The following KCNK5 variants were observed in gnomAD, a reference collection of about 807,000 sequenced individuals.
The protein encoded by KCNK5 is potassium two pore domain channel subfamily K member 5.
KCNK5 carries 18 observed loss-of-function variants against 32.9 expected under a neutral mutation model. The observed-to-expected ratio is 0.55, with a 90% CI of 0.38 to 0.81. KCNK5 has a LOEUF of 0.81. Among genes scored for constraint, KCNK5 ranks in the 30% least tolerant of loss-of-function variants. The pLI, the probability that KCNK5 is intolerant of heterozygous loss-of-function variation, is 0.00. For missense variants in KCNK5, 507 were observed against 651.0 expected (o/e 0.78, Z 2.41); for synonymous variants, 276 against 275.3 (o/e 1.00, Z -0.03).
At chr6:39,197,647 C>G (rs1771052893) in intron 1 of KCNK5, among the ~76,000 whole-genome samples, 1 of 152,194 alleles carries the variant, frequency 6.6e-6, no homozygotes, top group African/African-American at 2.4e-5. Flanking sequence ...CTGAAAACAT[C>G]AAATCTGTTT....
At chr6:39,207,713 T>A (rs1771254987) in intron 1 of KCNK5, among the ~76,000 whole-genome samples, 2 of 152,102 alleles carry the variant, frequency 1.3e-5, no homozygotes, top group African/African-American at 4.8e-5. Flanking sequence ...GCTCTCCCCA[T>A]GCATTGCTGC....
Position 39,194,310 on chromosome 6 carries a change from T to C in KCNK5, c.493A>G (p.Ile165Val). The change falls in exon 4 of 5, where the codon ATC becomes GTC. Residue 165 changes from isoleucine (I) to valine (V), a missense_variant. Around this residue, in one of 6 missense-constraint regions of KCNK5, gnomAD observed 143 missense variants for 219.1 expected, o/e 0.65. Coordinates refer to ENST00000359534, the MANE Select transcript of KCNK5 (RefSeq NM_003740.4). This position sits in a 1 kb window ranked among gnomAD's most constrained non-coding sequence, Gnocchi z 4.7. ...ACTAGGACGCCCCACACGATGAAGA[T>C]GACTGTGCACGTGATCTGCGCCTTC... ...LRKAQITCTV[I>V]FIVWGVLVHL... 1 of 1,612,796 alleles carries C rather than the reference T, an allele frequency of 6.2e-7. No homozygotes were observed.
Position 39,191,841 on chromosome 6 carries a change from G to T in KCNK5, c.635-86C>A. On this transcript the variant is annotated intron_variant, in intron 4 of 4. Transcript: ENST00000359534. The surrounding 1 kb of genome is among the most constrained non-coding windows in gnomAD (Gnocchi z 5.8). ...GGCCAATGCTGTGTGATCTGAGCAG[G>T]GGTCAGGCCAGAGCACAGGACGGGG... The T allele has an allele frequency of 6.9e-7, 1 of 1,442,054 alleles. No individual in the cohort carries two copies. The highest frequency in any genetic ancestry group is 9.5e-7 in the Non-Finnish European group (1 of 1,056,364). 89.3% of individuals were successfully genotyped at this position (1,442,054 alleles called of 1,614,324 possible).
chr6:39,190,997 G>T lies in KCNK5; in HGVS notation c.1393C>A (p.Pro465Thr), dbSNP rs9462487. Reference protein sequence around the residue: ...AKAPLNMGEFPSSSESTFTST... With the variant: ...AKAPLNMGEFTSSSESTFTST... ...GTGAAGGTGGACTCGGAGGAGGAGG[G>T]GAACTCGCCCATGTTCAGGGGCGCC... Residue 465 changes from proline to threonine, a missense_variant, in exon 5 of 5, where the codon CCC becomes ACC. Coordinates refer to ENST00000359534, the MANE Select transcript of KCNK5 (RefSeq NM_003740.4). The T allele has an allele frequency of 3.1e-3, 4,928 of 1,576,484 alleles. 139 individuals are homozygous for T. In the African/African-American group the frequency reaches 0.06, roughly 19 times the overall value.
Position 39,199,664 on chromosome 6 carries a change from T to C in KCNK5, c.187-3677A>G, listed in dbSNP as rs1299239776. ...TCAAGTCTGCAAGTTCAAGCCTCCC[T>C]GCCTCCATCTGCCTGGGTCTGCCTG... On this transcript the variant is annotated intron_variant, in intron 1 of 4. Coordinates refer to ENST00000359534, the MANE Select transcript of KCNK5 (RefSeq NM_003740.4). Among the ~76,000 whole-genome samples, 8 of 152,308 alleles carry C rather than the reference T, an allele frequency of 5.3e-5. No homozygotes were observed. In the South Asian group the frequency reaches 1.7e-3, roughly 32 times the overall value.
rs539017498 is a variant in KCNK5 at position 39,190,940 on chromosome 6, C to T, written c.1450G>A (p.Glu484Lys). Residue 484 changes from glutamate to lysine, a missense_variant, in exon 5 of 5, where the codon GAA (glutamate) becomes AAA (lysine). Transcript: ENST00000359534. ...STESELSVPY[E>K]QLMNEYNKAN... ...TTGTTGTACTCATTCATCAGCTGTT[C>T]GTAAGGCACAGAGAGCTCAGACTCA... 1.7e-5 allele frequency: 25 copies of T among 1,496,962 alleles called. No individual in the cohort carries two copies. The highest frequency in any genetic ancestry group is 7.2e-5 in the Admixed American group (3 of 41,590). The allele number at this position is 1,496,962 out of a possible 1,614,324, so 92.7% of individuals were successfully genotyped here. A position where few individuals can be genotyped will look rare whatever the true frequency, so the allele number is the denominator to read the frequency against.
rs1047251906 is a variant in KCNK5 at position 39,191,255 on chromosome 6, G to A, written c.1135C>T (p.Arg379Trp). Residue 379 changes from arginine to tryptophan, a missense_variant, in exon 5 of 5, where the codon CGG (arginine) becomes TGG (tryptophan). This residue lies in a region of KCNK5 where 252 missense variants were observed against 250.8 expected (regional missense o/e 1.00). Transcript: ENST00000359534. This position sits in a 1 kb window ranked among gnomAD's most constrained non-coding sequence, Gnocchi z 5.8. Reference sequence around the variant, plus strand: ...GCAGGGGAGCTGTCTTCAGGGGCCCGTGCCACAGCCTCCTCATCTGGGGAC... The same window carrying A: ...GCAGGGGAGCTGTCTTCAGGGGCCCATGCCACAGCCTCCTCATCTGGGGAC... ...SRSPDEEAVARAPEDSSPAPE... is the reference protein window; with the variant it reads ...SRSPDEEAVAWAPEDSSPAPE... 25 of 1,613,972 alleles carry A rather than the reference G, an allele frequency of 1.5e-5. No individual in the cohort carries two copies. The highest frequency in any genetic ancestry group is 6.7e-5 in the Admixed American group (4 of 60,012).
intron 1 of KCNK5, among the ~76,000 whole-genome samples, chr6:39,219,393 A>G (rs1266536006): frequency 6.6e-6 from 1 of 152,132 alleles, no homozygotes; most frequent in African/African-American, 2.4e-5. Context: ...GGGTATAATT[A>G]GTTCCATTTT....
intron 1 of KCNK5, among the ~76,000 whole-genome samples, chr6:39,200,398 A>G (rs2815104): frequency 0.28 from 42,253 of 152,014 alleles, 6,135 homozygotes; most frequent in East Asian, 0.55. Flanking sequence ...AGAGTTGGGT[A>G]AAGCATTTTA....
intron 1 of KCNK5, among the ~76,000 whole-genome samples, chr6:39,225,417 T>C (rs926831553): frequency 7.9e-5 from 12 of 152,178 alleles, no homozygotes; most frequent in Non-Finnish European, 1.6e-4. Flanking sequence ...AAAGTGCTTA[T>C]TCAAAGTGGT....
chr6:39,196,125 T>G (rs1771026993), intron 1 of KCNK5, 138 bp from the exon 2 acceptor site: 1 of 569,220 alleles, frequency 1.8e-6, no homozygotes, highest in Non-Finnish European at 3.1e-6. Flanking sequence ...ATGTTACAGA[T>G]GAAACATTGT....
intron 1 of KCNK5, 124 bp downstream of exon 1, chr6:39,228,799 CTCA>C: frequency 1.1e-6 from 1 of 887,618 alleles, no homozygotes; most frequent in South Asian, 1.7e-5. Context: ...GACACGCTCT[CTCA>C]TCACCCCCTG....
intron 1 of KCNK5, among the ~76,000 whole-genome samples, chr6:39,217,746 AC>A (rs1771467259): frequency 6.6e-6 from 1 of 152,128 alleles, no homozygotes; most frequent in Non-Finnish European, 1.5e-5. Context: ...GGCTGGAGAA[AC>A]CAGCCAACAG....
intron 1 of KCNK5, among the ~76,000 whole-genome samples, chr6:39,216,066 T>C (rs1771429434): frequency 6.6e-6 from 1 of 152,204 alleles, no homozygotes; most frequent in South Asian, 2.1e-4. Context: ...GCAGATCACC[T>C]GAGGTCAGGA....
intron 1 of KCNK5, 132 bp downstream of exon 1, chr6:39,228,794 G>C (rs1204349183): frequency 7.3e-6 from 6 of 822,610 alleles, no homozygotes; most frequent in Non-Finnish European, 1.9e-6. Context: ...GATGAGACAC[G>C]CTCTCTCATC....
chr6:39,196,668 C>A (rs560211320), intron 1 of KCNK5, among the ~76,000 whole-genome samples: 2 of 152,222 alleles, frequency 1.3e-5, no homozygotes, highest in Non-Finnish European at 2.9e-5. Context: ...TGTACCCTCT[C>A]CCCTGTGGGA....
intron 1 of KCNK5, among the ~76,000 whole-genome samples, chr6:39,205,208 A>G (rs2815111): frequency 0.27 from 41,791 of 152,018 alleles, 6,185 homozygotes; most frequent in East Asian, 0.52. Flanking sequence ...GGCTGAGCTG[A>G]TCAGTGACTG....
chr6:39,190,895 T>C lies in KCNK5; in HGVS notation c.1495A>G (p.Thr499Ala). 6.8e-7 allele frequency: 1 copy of C among 1,467,772 alleles called. No homozygotes were observed. The highest frequency in any genetic ancestry group is 9.0e-7 in the Non-Finnish European group (1 of 1,108,590). The allele number at this position is 1,467,772 out of a possible 1,614,324, so 90.9% of individuals were successfully genotyped here. A position where few individuals can be genotyped will look rare whatever the true frequency, so the allele number is the denominator to read the frequency against. The change falls in exon 5 of 5, where the codon ACA becomes GCA. Residue 499 changes from threonine to alanine, a missense_variant. Thr to Ala is a moderately conservative substitution (Grantham distance 58). Transcript: ENST00000359534. ...GGTGGGGAGCCGGCCCTGCCTCATG[T>C]GCCCTTGGGGCTGTTAGCCTTGTTG... ...EYNKANSPKG[T>A]
At position 39,191,424 on chromosome 6, in the gene KCNK5, G is replaced by A; in HGVS notation, c.966C>T (p.Gly322=). 6.2e-7 allele frequency: 1 copy of A among 1,613,250 alleles called. No homozygotes were observed. The highest frequency in any genetic ancestry group is 8.5e-7 in the Non-Finnish European group (1 of 1,179,974). Residue 322 remains glycine, a synonymous_variant, in exon 5 of 5, where the codon GGC becomes GGT. Coordinates refer to ENST00000359534, the MANE Select transcript of KCNK5 (RefSeq NM_003740.4). The surrounding 1 kb of genome is among the most constrained non-coding windows in gnomAD (Gnocchi z 5.8). ...AMKTSGGGET[G]PGPGLGPQGG... ...CTTGAGGCCCCAGCCCTGGGCCCGG[G>A]CCCGTCTCCCCACCCCCGCTTGTCT...
Sources: allele counts gnomAD v4.1 joint callset (sites outside exome capture counted in the v4.1 genomes callset), GRCh38; gene constraint gnomAD v4.1.1; regional missense constraint gnomAD v4.1.1; non-coding constraint Gnocchi (gnomAD v3.1); transcripts MANE v1.5; gene names NCBI Gene and HGNC (gene_info 2026-07-23, HGNC 2026-07-21).